The following NKAIN3 variants were observed in gnomAD, a reference collection of about 807,000 sequenced individuals.
NKAIN3 encodes the protein sodium/potassium-transporting ATPase subunit beta-1-interacting protein 3.
Under a neutral mutation model 30.2 loss-of-function variants are expected in NKAIN3, and 25 were observed. The observed-to-expected ratio is 0.83, with a 90% CI of 0.60 to 1.16. The LOEUF (loss-of-function observed/expected upper bound fraction) is 1.16, where lower values mean the gene tolerates loss of function less well. Ranked by LOEUF, NKAIN3 falls within the 50% of genes most tolerant of loss-of-function variation. The pLI, the probability that NKAIN3 is intolerant of heterozygous loss-of-function variation, is 0.00. For synonymous variants in NKAIN3, 91 were observed against 89.6 expected (o/e 1.02, Z -0.09); for missense variants, 225 against 254.1 (o/e 0.89, Z 0.78).
At chr8:62,725,565 G>A (rs1047257868) in intron 3 of NKAIN3, among the ~76,000 whole-genome samples, 7 of 152,010 alleles carry the variant, frequency 4.6e-5, no homozygotes, top group South Asian at 4.1e-4. Context: ...AGACAGATAG[G>A]AGAGTTTCAT....
chr8:62,248,989 C>A lies in NKAIN3; in HGVS notation c.-85C>A, dbSNP rs1257597142. 1.6e-6 allele frequency: 2 copies of A among 1,277,258 alleles called. No individual in the cohort carries two copies. The highest frequency in any genetic ancestry group is 1.5e-5 in the African/African-American group (1 of 65,278). 79.1% of individuals were successfully genotyped at this position (1,277,258 alleles called of 1,614,324 possible). On this transcript the variant is annotated 5_prime_UTR_variant, in exon 1 of 7. Coordinates refer to ENST00000623646, the MANE Select transcript of NKAIN3 (RefSeq NM_001304533.3). ...GCCGAGGAGCCTGGGCCGGGCCGGG[C>A]GGGGACTACTCCGGAGTCAGGAGGC...
At chr8:62,897,819 T>A (rs1016701956) in intron 4 of NKAIN3, among the ~76,000 whole-genome samples, 1 of 152,098 alleles carries the variant, frequency 6.6e-6, no homozygotes, top group African/African-American at 2.4e-5. Context: ...CTTGGTTTCA[T>A]TCTCCCTCCA....
chr8:62,752,688 T>C (rs1816325370), intron 4 of NKAIN3, among the ~76,000 whole-genome samples: 1 of 152,226 alleles, frequency 6.6e-6, no homozygotes, highest in Admixed American at 6.5e-5. Flanking sequence ...TTTAACTTCT[T>C]ATTTATCTCC....
chr8:62,958,081 C>T (rs1823472062), intron 6 of NKAIN3, among the ~76,000 whole-genome samples: 1 of 152,070 alleles, frequency 6.6e-6, no homozygotes, highest in African/African-American at 2.4e-5. Context: ...ACGGGTATCC[C>T]CAGCATGGAG....
In NKAIN3 at chr8:62,753,351, T is replaced by C. The variant is rs115500388; in HGVS notation, c.471+6222T>C. Among the ~76,000 whole-genome samples the C allele has an allele frequency of 7.0e-3, 1,069 of 152,146 alleles. 12 individuals carry two copies. The highest frequency in any genetic ancestry group is 0.024 in the African/African-American group (980 of 41,522). On this transcript the variant is annotated intron_variant, in intron 4 of 6. Transcript: ENST00000623646. The stretch of plus-strand genomic sequence containing the variant: ...ATCCTACAGTGCTGTATTTTACTCA[T>C]TTAGCACCCGAACATCTGAAACATG...
intron 1 of NKAIN3, among the ~76,000 whole-genome samples, chr8:62,378,663 G>A (rs181364706): frequency 1.3e-3 from 199 of 152,308 alleles, no homozygotes; most frequent in African/African-American, 4.2e-3. Flanking sequence ...CACCTTCCAC[G>A]TAGCGTTGGT....
At chr8:62,439,285 T>C (rs1409681950) in intron 1 of NKAIN3, among the ~76,000 whole-genome samples, 1 of 152,198 alleles carries the variant, frequency 6.6e-6, no homozygotes, top group African/African-American at 2.4e-5. Context: ...AAGACTCTGG[T>C]AAGTGCAACT....
chr8:62,965,210 T>C, intron 6 of NKAIN3, 144 bp from the exon 7 acceptor site: 7 of 710,908 alleles, frequency 9.8e-6, no homozygotes, highest in Non-Finnish European at 1.2e-5. Flanking sequence ...AAGGCCCAAG[T>C]CTTTAACTTT....
chr8:62,923,228 C>T lies in NKAIN3; in HGVS notation c.532+4715C>T, dbSNP rs141708591. Among the ~76,000 whole-genome samples the T allele has an allele frequency of 1.8e-4, 28 of 151,898 alleles. No individual in the cohort carries two copies. The East Asian group carries it at 5.4e-3, about 30-fold the overall frequency. Reference sequence around the variant, plus strand: ...TGGGAGTATCACTTGAGCTTGGGATCGGAAGTGGGAGTTGGTGGGATGGAG... The same window carrying T: ...TGGGAGTATCACTTGAGCTTGGGATTGGAAGTGGGAGTTGGTGGGATGGAG... On this transcript the variant is annotated intron_variant, in intron 5 of 6. Coordinates refer to ENST00000623646, the MANE Select transcript of NKAIN3 (RefSeq NM_001304533.3).
chr8:62,917,149 C>T (rs1282161571), intron 4 of NKAIN3, among the ~76,000 whole-genome samples: 1 of 152,076 alleles, frequency 6.6e-6, no homozygotes, highest in Non-Finnish European at 1.5e-5. Flanking sequence ...GCTAAGGGCA[C>T]ACACACACAT....
In NKAIN3 at chr8:62,569,745, C is replaced by T. The variant is rs554066620; in HGVS notation, c.55-9794C>T. On this transcript the variant is annotated intron_variant, in intron 1 of 6. Coordinates refer to ENST00000623646, the MANE Select transcript of NKAIN3 (RefSeq NM_001304533.3). The stretch of plus-strand genomic sequence containing the variant: ...GAGTCAAGATTGCAACACTGTACTC[C>T]AGTCTGGGCAGTAGAGTGAGACTGT... 2.0e-5 allele frequency among the ~76,000 whole-genome samples: 3 copies of T among 150,540 alleles called. No individual in the cohort carries two copies. The East Asian group carries it at 5.8e-4, about 29-fold the overall frequency.
At chr8:62,705,129 CT>C (rs141313263) in intron 3 of NKAIN3, among the ~76,000 whole-genome samples, 8,551 of 152,152 alleles carry the variant, frequency 0.056, 470 homozygotes, top group African/African-American at 0.14. Context: ...CATAAAACAT[CT>C]TTTTTATAAA....
At chr8:62,739,721 C>T (rs145154360) in intron 3 of NKAIN3, among the ~76,000 whole-genome samples, 6 of 152,096 alleles carry the variant, frequency 3.9e-5, no homozygotes, top group East Asian at 3.9e-4. Context: ...ATAAAAGGCT[C>T]GATAACCTTT....
chr8:62,499,542 A>C (rs1385004148), intron 1 of NKAIN3, among the ~76,000 whole-genome samples: 1 of 152,158 alleles, frequency 6.6e-6, no homozygotes, highest in Non-Finnish European at 1.5e-5. Context: ...TATTTGTGTC[A>C]ATTTAGAGGA....
At chr8:62,728,864 C>A (rs1340402809) in intron 3 of NKAIN3, among the ~76,000 whole-genome samples, 2 of 150,162 alleles carry the variant, frequency 1.3e-5, no homozygotes, top group Non-Finnish European at 3.0e-5. Context: ...GTGGCGGGCG[C>A]CTATAGTCCC....
At chr8:62,778,410 CCA>C (rs1341710692) in intron 4 of NKAIN3, among the ~76,000 whole-genome samples, 1 of 152,060 alleles carries the variant, frequency 6.6e-6, no homozygotes, top group African/African-American at 2.4e-5. Context: ...GGCACTGAAG[CCA>C]CAGAACAAAG....
intron 1 of NKAIN3, among the ~76,000 whole-genome samples, chr8:62,513,756 A>G (rs562766409): frequency 6.7e-6 from 1 of 148,260 alleles, no homozygotes; most frequent in East Asian, 2.0e-4. Flanking sequence ...ATGTAGTCCC[A>G]GCTATTAGGG....
chr8:62,533,689 A>G (rs1439289196), intron 1 of NKAIN3, among the ~76,000 whole-genome samples: 3 of 152,122 alleles, frequency 2.0e-5, no homozygotes, highest in African/African-American at 7.2e-5. Flanking sequence ...CTTTCCTTGA[A>G]TCTTTAGTCG....
Position 62,844,634 on chromosome 8 carries a change from G to C in NKAIN3, c.472-73819G>C, listed in dbSNP as rs1433807322. On this transcript the variant is annotated intron_variant, in intron 4 of 6. Coordinates refer to ENST00000623646, the MANE Select transcript of NKAIN3 (RefSeq NM_001304533.3). ...GATATTGATAGTTGAGCCTTAATGGGAACACTTTGTTTTGTTGTTCTATAT... is the reference window on the plus strand; with the variant it reads ...GATATTGATAGTTGAGCCTTAATGGCAACACTTTGTTTTGTTGTTCTATAT... 3.3e-5 allele frequency among the ~76,000 whole-genome samples: 5 copies of C among 152,090 alleles called. No homozygotes were observed. In the South Asian group the frequency reaches 8.3e-4, roughly 25 times the overall value.
Sources: allele counts gnomAD v4.1 joint callset (sites outside exome capture counted in the v4.1 genomes callset), GRCh38; gene constraint gnomAD v4.1.1; transcripts MANE v1.5; gene names NCBI Gene and HGNC (gene_info 2026-07-23, HGNC 2026-07-21).